Variants in TBC1D16 observed in about 807,000 individuals in gnomAD.
TBC1D16 encodes the protein CTD-2529O21.1.
TBC1D16 carries 58 observed loss-of-function variants against 74.7 expected under a neutral mutation model. That is an observed-to-expected ratio of 0.78 (90% CI 0.63 to 0.97). The LOEUF is 0.97. Among genes scored for constraint, TBC1D16 ranks in the 50% least tolerant of loss-of-function variants. The pLI is 0.00. For missense variants in TBC1D16, 1,014 were observed against 1,079.5 expected (o/e 0.94, Z 0.85); for synonymous variants, 493 against 474.7 (o/e 1.04, Z -0.50).
chr17:79,973,432 G>A (rs2034196904), intron 3 of TBC1D16, among the ~76,000 whole-genome samples: 1 of 152,146 alleles, frequency 6.6e-6, no homozygotes, highest in Admixed American at 6.5e-5. Context: ...AACAAAGTCT[G>A]GGCGCAGTGG....
At chr17:79,942,308 G>A (rs764568203) in intron 10 of TBC1D16, 102 bp from the exon 11 acceptor site, 92 of 1,296,946 alleles carry the variant, frequency 7.1e-5, no homozygotes, top group Admixed American at 1.1e-4. Context: ...GCTCCAGGGC[G>A]AGGGGTCTGG....
chr17:79,979,097 G>A lies in TBC1D16; in HGVS notation c.780-26279C>T, dbSNP rs1281762451. ...CAATGAGATGATTCTAAACCAAAGC[G>A]CCCTCGTGGGCTCCACGCTCTCAGC... On this transcript the variant is annotated intron_variant, in intron 3 of 11. Coordinates refer to ENST00000310924, the MANE Select transcript of TBC1D16 (RefSeq NM_019020.4). This position sits in a 1 kb window ranked among gnomAD's most constrained non-coding sequence, Gnocchi z 4.8. 6.6e-6 allele frequency among the ~76,000 whole-genome samples: 1 copy of A among 152,216 alleles called. No individual in the cohort carries two copies. The highest frequency in any genetic ancestry group is 2.4e-5 in the African/African-American group (1 of 41,448).
At position 79,950,771 on chromosome 17, in the gene TBC1D16, G is replaced by T; in HGVS notation, c.1090-193C>A. 6.5e-7 allele frequency: 1 copy of T among 1,536,246 alleles called. No individual in the cohort carries two copies. The highest frequency in any genetic ancestry group is 8.7e-7 in the Non-Finnish European group (1 of 1,146,842). On this transcript the variant is annotated intron_variant, in intron 5 of 11. Transcript: ENST00000310924. This position sits in a 1 kb window ranked among gnomAD's most constrained non-coding sequence, Gnocchi z 4.6. ...ATGAAAATACCTTCATCTTAAAATC[G>T]GTTTCCCTCTGCGGCTCTCTCCTCC... is the stretch of plus-strand genomic sequence containing the variant.
At chr17:80,024,563 C>CCACACACCAAA (rs1568648663) in intron 1 of TBC1D16, among the ~76,000 whole-genome samples, 1 of 59,260 alleles carries the variant, frequency 1.7e-5, no homozygotes, top group Admixed American at 1.6e-4. Context: ...ACACCACACA[C>CCACACACCAAA]GACACACCAT....
Position 79,960,785 on chromosome 17 carries a change from A to AAAAAAAAAAC in TBC1D16, c.780-7968_780-7967insGTTTTTTTTT, listed in dbSNP as rs2033565789. Among the ~76,000 whole-genome samples, 14 of 109,952 alleles carry AAAAAAAAAAC rather than the reference A, an allele frequency of 1.3e-4. 1 individual carries two copies. Among genetic ancestry groups the AAAAAAAAAAC allele is most frequent in the South Asian group, 3.0e-4 (1 of 3,284 alleles). 72.1% of individuals were successfully genotyped at this position (109,952 alleles called of 152,430 possible). The stretch of plus-strand genomic sequence containing the variant: ...AACCCAAAAAACAAAAACCCAAAAA[A>AAAAAAAAAAC]AAAAAAAAAAAAAAAAAAAAAAAAC... On this transcript the variant is annotated intron_variant, in intron 3 of 11. Transcript: ENST00000310924.
chr17:80,019,412 T>A (rs1022846019), intron 1 of TBC1D16, among the ~76,000 whole-genome samples: 2 of 145,120 alleles, frequency 1.4e-5, no homozygotes, highest in African/African-American at 2.8e-5. Flanking sequence ...GGCTCCTCCA[T>A]CACCCGCCAC....
At chr17:79,984,570 G>GAGAGAA (rs1568611594) in intron 3 of TBC1D16, among the ~76,000 whole-genome samples, 26 of 137,738 alleles carry the variant, frequency 1.9e-4, no homozygotes, top group East Asian at 1.6e-3. Context: ...AAGAGAGAGA[G>GAGAGAA]AGAAAGAAAG....
chr17:80,010,164 T>C lies in TBC1D16; in HGVS notation c.775A>G (p.Ser259Gly), dbSNP rs751946914. The C allele has an allele frequency of 1.2e-6, 2 of 1,609,082 alleles. 1 individual carries two copies. The highest frequency in any genetic ancestry group is 2.2e-5 in the South Asian group (2 of 90,624). The change falls in exon 3 of 12, where the codon AGC (serine) becomes GGC (glycine). Residue 259 changes from serine to glycine, a missense_variant. By Grantham distance (56) the Ser-to-Gly change is moderately conservative. Transcript: ENST00000310924. The surrounding 1 kb of genome is among the most constrained non-coding windows in gnomAD (Gnocchi z 8.8). ...CGCCCAGAACCAGGAACTCACCTGCTGTCACTTTCCAGAAACACGGAGCCG... is the reference window on the plus strand; with the variant it reads ...CGCCCAGAACCAGGAACTCACCTGCCGTCACTTTCCAGAAACACGGAGCCG... Reference protein sequence around the residue: ...SRGSVFLESDSSPPSSSDAGL... With the variant: ...SRGSVFLESDGSPPSSSDAGL...
chr17:80,025,575 AGCAGCCGCCTGCTG>A (rs1568650728), intron 1 of TBC1D16, among the ~76,000 whole-genome samples: 2 of 148,810 alleles, frequency 1.3e-5, no homozygotes, highest in South Asian at 2.2e-4. Flanking sequence ...GCCTGCTGGG[AGCAGCCGCCTGCTG>A]GGAGCACCTC....
At chr17:79,974,450 C>G (rs1468688159) in intron 3 of TBC1D16, among the ~76,000 whole-genome samples, 3 of 152,118 alleles carry the variant, frequency 2.0e-5, no homozygotes, top group Non-Finnish European at 4.4e-5. Context: ...GCTGCCCAGG[C>G]TGGTCTCGAA....
rs184904454 is a variant in TBC1D16, at chr17:79,971,091, C to T, written c.780-18273G>A. 6.6e-3 allele frequency among the ~76,000 whole-genome samples: 998 copies of T among 151,774 alleles called. 7 individuals carry two copies. The highest frequency in any genetic ancestry group is 0.025 in the South Asian group (118 of 4,794). Reference sequence around the variant, plus strand: ...AGGCTGGAGTGCAGTGGCGCTATCTCGGCTCACTGCAACCTCCACCTCTCG... The same window carrying T: ...AGGCTGGAGTGCAGTGGCGCTATCTTGGCTCACTGCAACCTCCACCTCTCG... On this transcript the variant is annotated intron_variant, in intron 3 of 11. Transcript: ENST00000310924. The surrounding 1 kb of genome is among the most constrained non-coding windows in gnomAD (Gnocchi z 4.6).
Position 79,983,639 on chromosome 17 carries a change from T to G in TBC1D16, c.779+26521A>C, listed in dbSNP as rs1210714643. On this transcript the variant is annotated intron_variant, in intron 3 of 11. Coordinates refer to ENST00000310924, the MANE Select transcript of TBC1D16 (RefSeq NM_019020.4). The surrounding 1 kb of genome is among the most constrained non-coding windows in gnomAD (Gnocchi z 5.6). ...GTGCACATGTGTGCAAAGCCTGCTT[T>G]AGGAGAGCAAGGAAGTGCCGCCCAC... 6.6e-6 allele frequency among the ~76,000 whole-genome samples: 1 copy of G among 152,122 alleles called. No individual in the cohort carries two copies. The highest frequency in any genetic ancestry group is 1.9e-4 in the East Asian group (1 of 5,180).
chr17:79,974,613 C>G (rs1349868211), intron 3 of TBC1D16, among the ~76,000 whole-genome samples: 1 of 152,132 alleles, frequency 6.6e-6, no homozygotes, highest in Non-Finnish European at 1.5e-5. Context: ...TGAGGGGGGA[C>G]TATATGTATT....
At chr17:79,945,652 C>A (rs1232808415) in intron 9 of TBC1D16, among the ~76,000 whole-genome samples, 2 of 152,352 alleles carry the variant, frequency 1.3e-5, no homozygotes, top group East Asian at 3.9e-4. Context: ...AGGCCGCTGA[C>A]TTCATCAATG....
chr17:79,979,320 C>T lies in TBC1D16; in HGVS notation c.780-26502G>A, dbSNP rs772283059. On this transcript the variant is annotated intron_variant, in intron 3 of 11. Transcript: ENST00000310924. This position sits in a 1 kb window ranked among gnomAD's most constrained non-coding sequence, Gnocchi z 4.8. Reference sequence around the variant, plus strand: ...CGCACACCCACGCCCAGAGCACACACGCTCCAGGGATGCACACCCACGCCC... The same window carrying T: ...CGCACACCCACGCCCAGAGCACACATGCTCCAGGGATGCACACCCACGCCC... 6.6e-6 allele frequency among the ~76,000 whole-genome samples: 1 copy of T among 152,138 alleles called. No homozygotes were observed. Among genetic ancestry groups the T allele is most frequent in the African/African-American group, 2.4e-5 (1 of 41,458 alleles).
At chr17:79,967,635 T>C (rs558589815) in intron 3 of TBC1D16, among the ~76,000 whole-genome samples, 2 of 152,206 alleles carry the variant, frequency 1.3e-5, no homozygotes, top group Non-Finnish European at 2.9e-5. Context: ...CGTTCATGGA[T>C]TGGAAGACTT....
At chr17:80,018,489 A>G (rs1260240248) in intron 1 of TBC1D16, among the ~76,000 whole-genome samples, 1 of 149,752 alleles carries the variant, frequency 6.7e-6, no homozygotes, top group Non-Finnish European at 1.5e-5. Flanking sequence ...TCACCATGTT[A>G]GCCAGGATGG....
Position 80,010,329 on chromosome 17 carries a change from G to T in TBC1D16, c.610C>A (p.Pro204Thr). 6.2e-7 allele frequency: 1 copy of T among 1,610,656 alleles called. No homozygotes were observed. Among genetic ancestry groups the T allele is most frequent in the Admixed American group, 1.7e-5 (1 of 59,646 alleles). Residue 204 changes from proline to threonine, a missense_variant, in exon 3 of 12, where the codon CCC becomes ACC. Pro to Thr is a conservative substitution (Grantham distance 38, BLOSUM62 -1). Coordinates refer to ENST00000310924, the MANE Select transcript of TBC1D16 (RefSeq NM_019020.4). This position sits in a 1 kb window ranked among gnomAD's most constrained non-coding sequence, Gnocchi z 8.8. ...GAGCCATCCTCCTCCCCGGCCTCGG[G>T]CCGCGGCTCCCGCCCCTCCTCGGTG... ...DVTEEGREPR[P>T]EAGEEDGSLE...
intron 3 of TBC1D16, among the ~76,000 whole-genome samples, chr17:79,976,414 T>A (rs567701433): frequency 6.6e-6 from 1 of 152,300 alleles, no homozygotes; most frequent in East Asian, 1.9e-4. Context: ...AAGAGGAGTT[T>A]TAGAGAGAAG....
Sources: gnomAD v4.1 joint callset for allele counts (sites outside exome capture counted in the v4.1 genomes callset) on GRCh38, gnomAD v4.1.1 for gene constraint, Gnocchi (gnomAD v3.1) non-coding constraint, MANE v1.5 for transcripts, NCBI Gene and HGNC (gene_info 2026-07-23, HGNC 2026-07-21) for gene names.